PIEZO2: variants seen among roughly 807,000 people sequenced by gnomAD.
The protein encoded by PIEZO2 is piezo type mechanosensitive ion channel component 2.
In PIEZO2, 172 loss-of-function variants were observed where a neutral mutation model predicts 337.3. The observed-to-expected ratio is 0.51, with a 90% CI of 0.45 to 0.58. PIEZO2 has a LOEUF of 0.58. Ranked by LOEUF, PIEZO2 falls within the 20% of genes least tolerant of loss-of-function variation. The pLI is 0.00. For synonymous variants in PIEZO2, 1,251 were observed against 1,228.5 expected (o/e 1.02, Z -0.38); for missense variants, 3,028 against 3,391.3 (o/e 0.89, Z 2.66).
chr18:10,997,968 T>A (rs574141996), intron 2 of PIEZO2, among the ~76,000 whole-genome samples: 21 of 152,214 alleles, frequency 1.4e-4, no homozygotes, highest in African/African-American at 5.1e-4. Context: ...CCCAGATACA[T>A]AACTAACCTG....
rs2035090566 is a variant in PIEZO2, at chr18:10,696,461, C to G, written c.6906G>C (p.Val2302=). Residue 2302 remains valine (V), a synonymous_variant, in exon 46 of 56, where the codon GTG becomes GTC. Coordinates refer to ENST00000674853, the MANE Select transcript of PIEZO2 (RefSeq NM_001378183.1). ...IHPEYSAVTD[V]YVLMFLADTV... ...TGTCAGCCAGGAACATGAGTACATACACGTCAGTCACGGCGCTATACTCCG... is the reference window on the plus strand; with the variant it reads ...TGTCAGCCAGGAACATGAGTACATAGACGTCAGTCACGGCGCTATACTCCG... 4 of 1,614,198 alleles carry G rather than the reference C, an allele frequency of 2.5e-6. 1 individual carries two copies. In the South Asian group the frequency reaches 4.4e-5, roughly 18 times the overall value.
chr18:10,904,346 G>A (rs910657729), intron 4 of PIEZO2, among the ~76,000 whole-genome samples: 2 of 152,212 alleles, frequency 1.3e-5, no homozygotes, highest in African/African-American at 4.8e-5. Flanking sequence ...TCTACTAGCT[G>A]TGCAATCTTG....
chr18:10,732,775 G>C (rs1423093051), intron 35 of PIEZO2, among the ~76,000 whole-genome samples: 1 of 152,166 alleles, frequency 6.6e-6, no homozygotes, highest in Non-Finnish European at 1.5e-5. Context: ...TATGTTAATT[G>C]GGTGTTAATT....
intron 45 of PIEZO2, 37 bp downstream of exon 45, chr18:10,697,711 A>C (rs775507600): frequency 6.2e-7 from 1 of 1,603,078 alleles, no homozygotes; most frequent in Non-Finnish European, 8.5e-7. Flanking sequence ...AAAACCCTAC[A>C]ATAAAGCACA....
intron 47 of PIEZO2, among the ~76,000 whole-genome samples, chr18:10,694,121 T>C (rs2034981634): frequency 6.6e-6 from 1 of 152,052 alleles, no homozygotes; most frequent in South Asian, 2.1e-4. Flanking sequence ...CAATTCTACT[T>C]TCCTTTAAAA....
intron 35 of PIEZO2, among the ~76,000 whole-genome samples, chr18:10,733,108 C>T (rs901542383): frequency 2.0e-5 from 3 of 151,986 alleles, no homozygotes; most frequent in East Asian, 3.9e-4. Flanking sequence ...AGGGTGGAAT[C>T]GAAGAAGTCT....
At chr18:10,688,485 T>C (rs1332932516) in intron 49 of PIEZO2, among the ~76,000 whole-genome samples, 2 of 152,172 alleles carry the variant, frequency 1.3e-5, no homozygotes, top group East Asian at 1.9e-4. Flanking sequence ...GGGTCTGAAG[T>C]AGACTTAGGG....
intron 2 of PIEZO2, among the ~76,000 whole-genome samples, chr18:11,050,981 T>C (rs1028881332): frequency 1.3e-5 from 2 of 151,688 alleles, no homozygotes; most frequent in African/African-American, 2.4e-5. Flanking sequence ...CAAAAGCACA[T>C]ATTGAAAAAA....
chr18:10,916,106 G>A (rs1207271115), intron 3 of PIEZO2, among the ~76,000 whole-genome samples: 1 of 152,126 alleles, frequency 6.6e-6, no homozygotes, highest in Non-Finnish European at 1.5e-5. Context: ...GCTAGACACA[G>A]AGCACTGATT....
chr18:10,855,599 T>C lies in PIEZO2; in HGVS notation c.704-33A>G, dbSNP rs1195269186. On this transcript the variant is annotated intron_variant, in intron 6 of 55. Coordinates refer to ENST00000674853, the MANE Select transcript of PIEZO2 (RefSeq NM_001378183.1). This position sits in a 1 kb window ranked among gnomAD's most constrained non-coding sequence, Gnocchi z 4.9. ...AGAGAAACGTAATCACAAAGTCAGGTAGAACTGGAAATTCACTTATCATTC... is the reference window on the plus strand; with the variant it reads ...AGAGAAACGTAATCACAAAGTCAGGCAGAACTGGAAATTCACTTATCATTC... 2.1e-6 allele frequency: 3 copies of C among 1,461,452 alleles called. No homozygotes were observed. The East Asian group carries it at 7.5e-5, about 36-fold the overall frequency. The allele number at this position is 1,461,452 out of a possible 1,614,324, so 90.5% of individuals were successfully genotyped here.
intron 2 of PIEZO2, among the ~76,000 whole-genome samples, chr18:11,017,826 C>A (rs1295323501): frequency 2.6e-5 from 4 of 152,168 alleles, no homozygotes; most frequent in Admixed American, 6.5e-5. Flanking sequence ...GCTGCTCTAA[C>A]AATGTACTAC....
intron 21 of PIEZO2, among the ~76,000 whole-genome samples, chr18:10,768,197 T>C (rs996535432): frequency 4.6e-5 from 7 of 152,126 alleles, no homozygotes; most frequent in Non-Finnish European, 8.8e-5. Flanking sequence ...TGATTCTCTG[T>C]GGGTGCACAA....
At chr18:11,103,611 C>T (rs1020985750) in intron 1 of PIEZO2, among the ~76,000 whole-genome samples, 3 of 152,190 alleles carry the variant, frequency 2.0e-5, no homozygotes, top group Non-Finnish European at 4.4e-5. Flanking sequence ...CATTTCCTTA[C>T]TGAGAATTTC....
chr18:10,876,312 A>G (rs530307555), intron 4 of PIEZO2, among the ~76,000 whole-genome samples: 1 of 152,350 alleles, frequency 6.6e-6, no homozygotes, highest in African/African-American at 2.4e-5. Context: ...GTAGTAAAAC[A>G]GTTACATTTA....
chr18:10,758,476 C>G (rs764726738), intron 26 of PIEZO2, among the ~76,000 whole-genome samples: 3 of 151,932 alleles, frequency 2.0e-5, no homozygotes, highest in Non-Finnish European at 4.4e-5. Context: ...GACAGAGTCT[C>G]GCTCTGTCGC....
chr18:10,797,647 T>C lies in PIEZO2; in HGVS notation c.1379-125A>G, dbSNP rs1474824943. 3.5e-6 allele frequency: 5 copies of C among 1,417,784 alleles called. No individual in the cohort carries two copies. In the South Asian group the frequency reaches 6.1e-5, roughly 17 times the overall value. The allele number at this position is 1,417,784 out of a possible 1,614,324, so 87.8% of individuals were successfully genotyped here. ...TTTATTTAAGATTTCAGAAATTGTT[T>C]CCCATTCATAAAGCCCTTAAAATTC... On this transcript the variant is annotated intron_variant, in intron 11 of 55. Coordinates refer to ENST00000674853, the MANE Select transcript of PIEZO2 (RefSeq NM_001378183.1).
chr18:10,905,512 G>T (rs944453778), intron 4 of PIEZO2, among the ~76,000 whole-genome samples: 3 of 151,418 alleles, frequency 2.0e-5, no homozygotes, highest in Admixed American at 6.6e-5. Context: ...GAACCCGGGA[G>T]GCAGAGGTTG....
intron 2 of PIEZO2, among the ~76,000 whole-genome samples, chr18:11,018,419 G>GTGTGTGTT (rs1178835465): frequency 3.2e-4 from 48 of 150,984 alleles, no homozygotes; most frequent in Non-Finnish European, 6.2e-4. Flanking sequence ...GTGTGTGTGT[G>GTGTGTGTT]TGTGTGTGTG....
rs1455103038 is a variant in PIEZO2, at chr18:11,080,154, A to C, written c.65-13932T>G. Among the ~76,000 whole-genome samples, 2 of 152,224 alleles carry C rather than the reference A, an allele frequency of 1.3e-5. No homozygotes were observed. The highest frequency in any genetic ancestry group is 2.9e-5 in the Non-Finnish European group (2 of 68,038). ...CTCATCTACACAGAAAACACCTATA[A>C]AAATAACAGACTATTAACAGTAGTT... On this transcript the variant is annotated intron_variant, in intron 1 of 55. Transcript: ENST00000674853. This position sits in a 1 kb window ranked among gnomAD's most constrained non-coding sequence, Gnocchi z 5.4.
Sources: allele counts gnomAD v4.1 joint callset (sites outside exome capture counted in the v4.1 genomes callset), GRCh38; gene constraint gnomAD v4.1.1; non-coding constraint Gnocchi (gnomAD v3.1); transcripts MANE v1.5; gene names NCBI Gene and HGNC (gene_info 2026-07-23, HGNC 2026-07-21).